Variants in ZNF503 observed in about 807,000 individuals in gnomAD.
The protein encoded by ZNF503 is zinc finger protein 503.
ZNF503 carries 15 observed loss-of-function variants against 34.4 expected under a neutral mutation model. That is an observed-to-expected ratio of 0.44 (90% CI 0.29 to 0.67). ZNF503 has a LOEUF of 0.67. Among genes scored for constraint, ZNF503 ranks in the 30% least tolerant of loss-of-function variants. The pLI is 0.13. For synonymous variants in ZNF503, 580 were observed against 456.8 expected (o/e 1.27, Z -3.44); for missense variants, 1,007 against 926.8 (o/e 1.09, Z -1.12).
the ZNF503 span, among the ~76,000 whole-genome samples, chr10:75,297,364 G>A: frequency 5.9e-4 from 90 of 151,982 alleles, no homozygotes; most frequent in African/African-American, 2.1e-3. Context: ...CTGCTCATTC[G>A]TTTACTCATT....
chr10:75,293,143 C>T, the ZNF503 span, among the ~76,000 whole-genome samples: 7 of 152,168 alleles, frequency 4.6e-5, no homozygotes, highest in Admixed American at 6.5e-5. Context: ...AGGGGCAGTT[C>T]GTTGGAGAAG....
At chr10:75,324,879 C>T in the ZNF503 span, among the ~76,000 whole-genome samples, 1 of 152,136 alleles carries the variant, frequency 6.6e-6, no homozygotes, top group Admixed American at 6.5e-5. Flanking sequence ...TAGATTCTTT[C>T]ACTTAGCATA....
chr10:75,399,580 G>A lies in ZNF503; in HGVS notation c.1110C>T (p.Tyr370=). 2 of 1,596,750 alleles carry A rather than the reference G, an allele frequency of 1.3e-6. No individual in the cohort carries two copies. Among genetic ancestry groups the A allele is most frequent in the Admixed American group, 1.7e-5 (1 of 59,936 alleles). The change falls in exon 2 of 2, where the codon TAC becomes TAT. Residue 370 remains tyrosine (Y), a synonymous_variant. Coordinates refer to ENST00000372524, the MANE Select transcript of ZNF503 (RefSeq NM_032772.6). The part of the protein sequence containing the change: ...PGSLAGAYAG[Y]PPQFLPHGVA... Reference sequence around the variant, plus strand: ...CGCCGTGTGGCAGGAACTGGGGCGGGTAGCCGGCGTAGGCCCCGGCCAGGC... The same window carrying A: ...CGCCGTGTGGCAGGAACTGGGGCGGATAGCCGGCGTAGGCCCCGGCCAGGC...
chr10:75,347,322 C>T, the ZNF503 span, among the ~76,000 whole-genome samples: 3 of 152,218 alleles, frequency 2.0e-5, no homozygotes, highest in African/African-American at 7.2e-5. Flanking sequence ...AATGTGACCC[C>T]TCGACTTATT....
the ZNF503 span, among the ~76,000 whole-genome samples, chr10:75,316,402 G>C: frequency 6.6e-6 from 1 of 151,344 alleles, no homozygotes; most frequent in African/African-American, 2.4e-5. Flanking sequence ...TGTCACCCAG[G>C]CTGGAGTGCA....
the ZNF503 span, among the ~76,000 whole-genome samples, chr10:75,336,982 G>A: frequency 2.0e-5 from 3 of 152,168 alleles, no homozygotes; most frequent in Admixed American, 1.3e-4. Flanking sequence ...AGCCCACCCA[G>A]CTAATCTCTC....
the ZNF503 span, among the ~76,000 whole-genome samples, chr10:75,327,832 T>C: frequency 6.6e-6 from 1 of 152,296 alleles, no homozygotes; most frequent in East Asian, 1.9e-4. Context: ...TTGATTTGCA[T>C]TTCTCTGGTA....
chr10:75,314,046 C>T, the ZNF503 span, among the ~76,000 whole-genome samples: 48 of 152,050 alleles, frequency 3.2e-4, no homozygotes, highest in Non-Finnish European at 5.9e-4. Flanking sequence ...ATCAAGGAAA[C>T]GTAACACTGC....
the ZNF503 span, among the ~76,000 whole-genome samples, chr10:75,384,981 A>T: frequency 6.6e-6 from 1 of 152,190 alleles, no homozygotes; most frequent in African/African-American, 2.4e-5. Flanking sequence ...CTGAGACCCC[A>T]TGCTATCCTC....
the ZNF503 span, among the ~76,000 whole-genome samples, chr10:75,314,254 A>AG: frequency 1.6e-3 from 240 of 150,526 alleles, 1 homozygote; most frequent in African/African-American, 5.6e-3. Context: ...AAAAAAAAAA[A>AG]AAAGAAAGCT....
the ZNF503 span, among the ~76,000 whole-genome samples, chr10:75,308,700 C>A: frequency 1.3e-5 from 2 of 152,108 alleles, no homozygotes; most frequent in African/African-American, 4.8e-5. Flanking sequence ...TTGAGGTTGT[C>A]AAGACATCAG....
At chr10:75,365,099 T>C in the ZNF503 span, among the ~76,000 whole-genome samples, 1 of 152,238 alleles carries the variant, frequency 6.6e-6, no homozygotes, top group Admixed American at 6.5e-5. Context: ...CTGCTGGGTC[T>C]CGGGTTATTT....
At chr10:75,354,500 G>A in the ZNF503 span, among the ~76,000 whole-genome samples, 2 of 151,960 alleles carry the variant, frequency 1.3e-5, no homozygotes, top group Non-Finnish European at 1.5e-5. Context: ...ATTGCTTGAG[G>A]CCAGGAGTCC....
the ZNF503 span, among the ~76,000 whole-genome samples, chr10:75,306,766 TC>T: frequency 6.6e-6 from 1 of 152,198 alleles, no homozygotes; most frequent in Non-Finnish European, 1.5e-5. Context: ...ACTTCTTCAT[TC>T]TTATTGTATC....
chr10:75,358,627 C>T, the ZNF503 span: 2 of 152,194 alleles, frequency 1.3e-5, no homozygotes, highest in South Asian at 4.1e-4. Context: ...CTACAGCAGG[C>T]CATGGAGTGG....
chr10:75,399,490 C>T lies in ZNF503; in HGVS notation c.1200G>A (p.Gly400=), dbSNP rs757746328. 6 of 1,570,110 alleles carry T rather than the reference C, an allele frequency of 3.8e-6. No individual in the cohort carries two copies. The Admixed American group carries it at 5.3e-5, about 14-fold the overall frequency. Residue 400 remains glycine (G), a synonymous_variant, in exon 2 of 2, where the codon GGG becomes GGA. Coordinates refer to ENST00000372524, the MANE Select transcript of ZNF503 (RefSeq NM_032772.6). ...CGGCCGGCTTACTGCAGCCCAGAGA[C>T]CCGGCCGCGGCCGCCGCCAGCTGCG... is the stretch of plus-strand genomic sequence containing the variant. The part of the protein sequence containing the change: ...VGAQLAAAAA[G]SLGCSKPAGS...
At chr10:75,334,094 T>C in the ZNF503 span, among the ~76,000 whole-genome samples, 1 of 134,166 alleles carries the variant, frequency 7.5e-6, no homozygotes, top group African/African-American at 2.9e-5. Flanking sequence ...TCCCAGACGA[T>C]GGGCGGCCAG....
chr10:75,309,393 A>T, the ZNF503 span, among the ~76,000 whole-genome samples: 1 of 152,224 alleles, frequency 6.6e-6, no homozygotes, highest in Non-Finnish European at 1.5e-5. Context: ...GAGTCAATTG[A>T]TGCAGCAAAC....
the ZNF503 span, among the ~76,000 whole-genome samples, chr10:75,364,410 G>A: frequency 6.6e-6 from 1 of 152,000 alleles, no homozygotes; most frequent in African/African-American, 2.4e-5. Flanking sequence ...GGACAATCAT[G>A]TCAACTGTGT....
Sources: gnomAD v4.1 joint callset for allele counts (sites outside exome capture counted in the v4.1 genomes callset) on GRCh38, gnomAD v4.1.1 for gene constraint, MANE v1.5 for transcripts, NCBI Gene and HGNC (gene_info 2026-07-23, HGNC 2026-07-21) for gene names.